Variants in REDIC1 observed in about 807,000 individuals in gnomAD.
REDIC1 encodes regulator of DNA class I crossover intermediates 1, also known as HEI10 Interacting Protein 1.
chr12:39,717,528 T>A, the REDIC1 span, among the ~76,000 whole-genome samples: 1 of 151,834 alleles, frequency 6.6e-6, no homozygotes, highest in Non-Finnish European at 1.5e-5. Context: ...AGAGGCAGAG[T>A]TGGTCTTGCT....
chr12:39,778,110 G>A, the REDIC1 span, among the ~76,000 whole-genome samples: 1 of 152,148 alleles, frequency 6.6e-6, no homozygotes, highest in Non-Finnish European at 1.5e-5. Flanking sequence ...TGAGCAGCAG[G>A]GCGGTGAAGA....
chr12:39,770,585 C>T, the REDIC1 span, among the ~76,000 whole-genome samples: 2 of 152,150 alleles, frequency 1.3e-5, no homozygotes, highest in Admixed American at 1.3e-4. Context: ...GGGGAAAGAA[C>T]TGTATCATGG....
chr12:39,695,835 C>T, the REDIC1 span, among the ~76,000 whole-genome samples: 8 of 152,212 alleles, frequency 5.3e-5, no homozygotes, highest in African/African-American at 1.4e-4. Flanking sequence ...TGACCAAGCA[C>T]AATCCTGATG....
the REDIC1 span, among the ~76,000 whole-genome samples, chr12:39,877,281 A>G: frequency 6.6e-6 from 1 of 152,142 alleles, no homozygotes; most frequent in East Asian, 1.9e-4. Context: ...GGCAAAGGAG[A>G]GCAAAGGTAT....
chr12:39,764,635 C>T, the REDIC1 span: 1 of 1,579,814 alleles, frequency 6.3e-7, no homozygotes, highest in Admixed American at 2.0e-5. Flanking sequence ...ACATTAAAAA[C>T]TTTAGTAAAA....
At chr12:39,699,348 C>G in the REDIC1 span, among the ~76,000 whole-genome samples, 1 of 152,184 alleles carries the variant, frequency 6.6e-6, no homozygotes, top group Non-Finnish European at 1.5e-5. Flanking sequence ...CAGACGGCAC[C>G]TGGAAGATCG....
chr12:39,646,197 A>C, the REDIC1 span: 1 of 305,472 alleles, frequency 3.3e-6, no homozygotes, highest in African/African-American at 2.2e-5. Context: ...TTATTTTAGC[A>C]CTGATAGAAT....
chr12:39,656,663 C>T, the REDIC1 span, among the ~76,000 whole-genome samples: 1 of 152,134 alleles, frequency 6.6e-6, no homozygotes, highest in African/African-American at 2.4e-5. Flanking sequence ...TAAGAAATGA[C>T]AGTTCCCTGT....
At chr12:39,875,308 T>A in the REDIC1 span, among the ~76,000 whole-genome samples, 1 of 152,188 alleles carries the variant, frequency 6.6e-6, no homozygotes, top group Non-Finnish European at 1.5e-5. Flanking sequence ...CCTTCCTCAG[T>A]CTTCAAAGCC....
the REDIC1 span, among the ~76,000 whole-genome samples, chr12:39,675,671 A>T: frequency 6.6e-6 from 1 of 152,180 alleles, no homozygotes; most frequent in Non-Finnish European, 1.5e-5. Flanking sequence ...TGCATTAAAA[A>T]CTACAACCAA....
the REDIC1 span, among the ~76,000 whole-genome samples, chr12:39,712,546 ACACG>A: frequency 7.2e-6 from 1 of 139,466 alleles, no homozygotes; most frequent in African/African-American, 2.6e-5. Context: ...ATGCGTATAT[ACACG>A]ACATATGTGT....
the REDIC1 span, among the ~76,000 whole-genome samples, chr12:39,782,316 C>G: frequency 6.6e-6 from 1 of 151,838 alleles, no homozygotes; most frequent in Non-Finnish European, 1.5e-5. Flanking sequence ...TGGAAGGTAC[C>G]CAGGGGGAGC....
chr12:39,691,535 TAAA>T, the REDIC1 span, among the ~76,000 whole-genome samples: 1 of 151,966 alleles, frequency 6.6e-6, no homozygotes, highest in African/African-American at 2.4e-5. Context: ...ATCCTGGAAA[TAAA>T]GAAACACTCA....
the REDIC1 span, among the ~76,000 whole-genome samples, chr12:39,736,455 T>C: frequency 1.3e-5 from 2 of 152,238 alleles, no homozygotes; most frequent in Non-Finnish European, 1.5e-5. Flanking sequence ...CATCCACACC[T>C]GGTTGCCTAA....
the REDIC1 span, among the ~76,000 whole-genome samples, chr12:39,694,033 C>T: frequency 5.3e-5 from 8 of 152,216 alleles, no homozygotes; most frequent in Non-Finnish European, 8.8e-5. Flanking sequence ...GTTTGCGCTT[C>T]GCTCTGTGTG....
At chr12:39,667,615 A>G in the REDIC1 span, among the ~76,000 whole-genome samples, 1 of 151,992 alleles carries the variant, frequency 6.6e-6, no homozygotes, top group African/African-American at 2.4e-5. Context: ...CAATTCCTGG[A>G]TATCTTGTTA....
At chr12:39,716,983 T>A in the REDIC1 span, 1 of 455,078 alleles carries the variant, frequency 2.2e-6, no homozygotes, top group Non-Finnish European at 3.6e-6. Flanking sequence ...TAAAAAATTT[T>A]AAAAAGTACA....
chr12:39,859,426 C>A, the REDIC1 span, among the ~76,000 whole-genome samples: 8 of 150,636 alleles, frequency 5.3e-5, no homozygotes, highest in South Asian at 4.2e-4. Context: ...AAACAACATG[C>A]CACTGTCCTG....
the REDIC1 span, among the ~76,000 whole-genome samples, chr12:39,807,383 C>T: frequency 1.3e-5 from 2 of 152,258 alleles, no homozygotes; most frequent in East Asian, 1.9e-4. Flanking sequence ...TGGATTGAAA[C>T]AATATCAATC....
Sources: gnomAD v4.1 joint callset for allele counts (sites outside exome capture counted in the v4.1 genomes callset) on GRCh38, gnomAD v4.1.1 for gene constraint, MANE v1.5 for transcripts, NCBI Gene and HGNC (gene_info 2026-07-23, HGNC 2026-07-21) for gene names.